The following DDAH1 variants were observed in gnomAD, a reference collection of about 807,000 sequenced individuals.
The protein encoded by DDAH1 is N(G),N(G)-dimethylarginine dimethylaminohydrolase 1.
In DDAH1, 19 loss-of-function variants were observed where a neutral mutation model predicts 28.8. That is an observed-to-expected ratio of 0.66 (90% CI 0.46 to 0.97). DDAH1 has a LOEUF of 0.97. Among genes scored for constraint, DDAH1 ranks in the 50% least tolerant of loss-of-function variants. DDAH1 has a pLI of 0.00. For missense variants in DDAH1, 326 were observed against 375.9 expected (o/e 0.87, Z 1.10); for synonymous variants, 153 against 154.4 (o/e 0.99, Z 0.07).
At chr1:85,335,573 GTTA>G (rs1648053691) in intron 4 of DDAH1, among the ~76,000 whole-genome samples, 1 of 152,066 alleles carries the variant, frequency 6.6e-6, no homozygotes, top group Non-Finnish European at 1.5e-5. Context: ...AACAAAGAAG[GTTA>G]TTATGTAATG....
At chr1:85,423,380 T>G (rs1345956970) in intron 1 of DDAH1, among the ~76,000 whole-genome samples, 3 of 152,196 alleles carry the variant, frequency 2.0e-5, no homozygotes, top group Non-Finnish European at 2.9e-5. Flanking sequence ...CTTAACAATT[T>G]GAGTCTTCCA....
At chr1:85,328,958 T>C (rs1040018048) in intron 4 of DDAH1, among the ~76,000 whole-genome samples, 2 of 152,246 alleles carry the variant, frequency 1.3e-5, no homozygotes, top group Non-Finnish European at 2.9e-5. Flanking sequence ...TTCATTGTAC[T>C]CTTTACCCAC....
chr1:85,403,318 CAG>C (rs1423903468), intron 1 of DDAH1, among the ~76,000 whole-genome samples: 1 of 150,814 alleles, frequency 6.6e-6, no homozygotes, highest in Non-Finnish European at 1.5e-5. Flanking sequence ...TAAAGTAAAA[CAG>C]AATAGTTATA....
Position 85,346,023 on chromosome 1 carries a change from T to C in DDAH1, c.597+4392A>G, listed in dbSNP as rs570511946. 2.0e-5 allele frequency among the ~76,000 whole-genome samples: 3 copies of C among 152,376 alleles called. No individual in the cohort carries two copies. In the East Asian group the frequency reaches 5.8e-4, roughly 29 times the overall value. On this transcript the variant is annotated intron_variant, in intron 4 of 5. Coordinates refer to ENST00000284031, the MANE Select transcript of DDAH1 (RefSeq NM_012137.4). ...TCAAATGGCAAGATGATGATCTCCA[T>C]AAGAATCCACTTCATTAACCAAGAG...
At position 85,478,120 on chromosome 1, in the gene DDAH1, T is replaced by C. The variant is rs76584536; in HGVS notation, c.-7+18046A>G. 1.5e-3 allele frequency among the ~76,000 whole-genome samples: 232 copies of C among 152,298 alleles called. 1 individual carries two copies. The highest frequency in any genetic ancestry group is 5.4e-3 in the African/African-American group (223 of 41,574). ...TGCCTTGGAAAGCAAATTTTTCTTCTGTGAGAATGCTGACAGATAAATCAT... is the reference window on the plus strand; with the variant it reads ...TGCCTTGGAAAGCAAATTTTTCTTCCGTGAGAATGCTGACAGATAAATCAT... On this transcript the variant is annotated intron_variant, in intron 2 of 6. Transcript: ENST00000426972.
intron 1 of DDAH1, among the ~76,000 whole-genome samples, chr1:85,463,490 C>A (rs1655214695): frequency 6.6e-6 from 1 of 152,160 alleles, no homozygotes; most frequent in Non-Finnish European, 1.5e-5. Flanking sequence ...ATCTCACAGA[C>A]TCAAAGATGG....
chr1:85,485,302 T>A (rs916437212), intron 2 of DDAH1, among the ~76,000 whole-genome samples: 11 of 152,040 alleles, frequency 7.2e-5, no homozygotes, highest in Non-Finnish European at 1.3e-4. Context: ...AAGAGTTAGC[T>A]TAGGTAGTTT....
intron 1 of DDAH1, among the ~76,000 whole-genome samples, chr1:85,567,343 G>A (rs1228797716): frequency 6.6e-6 from 1 of 152,226 alleles, no homozygotes; most frequent in Non-Finnish European, 1.5e-5. Context: ...GACCTGGTGA[G>A]AGATGATTGA....
chr1:85,406,699 G>A (rs1433882231), intron 1 of DDAH1, among the ~76,000 whole-genome samples: 1 of 152,070 alleles, frequency 6.6e-6, no homozygotes, highest in Non-Finnish European at 1.5e-5. Flanking sequence ...TATTTGTGGT[G>A]AGAACACGTA....
At chr1:85,344,484 C>T (rs2100829334) in intron 4 of DDAH1, among the ~76,000 whole-genome samples, 1 of 152,300 alleles carries the variant, frequency 6.6e-6, no homozygotes, top group South Asian at 2.1e-4. Flanking sequence ...GTGGGGTCAG[C>T]AGCTTCCTCC....
chr1:85,537,917 A>G (rs1247159489), intron 1 of DDAH1, among the ~76,000 whole-genome samples: 1 of 152,098 alleles, frequency 6.6e-6, no homozygotes, highest in Non-Finnish European at 1.5e-5. Context: ...CACTAAGCAG[A>G]TAAGTGTTCT....
In DDAH1 at chr1:85,434,422, G is replaced by T. The variant is rs553483418; in HGVS notation, c.303+30321C>A. Among the ~76,000 whole-genome samples, 342 of 147,226 alleles carry T rather than the reference G, an allele frequency of 2.3e-3. 8 individuals are homozygous for T. The highest frequency in any genetic ancestry group is 0.02 in the Admixed American group (299 of 14,762). The stretch of plus-strand genomic sequence containing the variant: ...AAGTATCATATTGTATGTGTGTTTT[G>T]TTTTTTTTTTGAGACAGGGTGTCTC... On this transcript the variant is annotated intron_variant, in intron 1 of 5. Transcript: ENST00000284031.
chr1:85,404,175 AAAGC>A (rs752727331), intron 1 of DDAH1, among the ~76,000 whole-genome samples: 1 of 152,084 alleles, frequency 6.6e-6, no homozygotes, highest in Non-Finnish European at 1.5e-5. Flanking sequence ...TTTCACAAAT[AAAGC>A]TAAACAGAAA....
intron 2 of DDAH1, among the ~76,000 whole-genome samples, chr1:85,355,659 G>C (rs1384187318): frequency 6.6e-6 from 1 of 152,102 alleles, no homozygotes; most frequent in Admixed American, 6.6e-5. Flanking sequence ...GTTTACTTTA[G>C]AGAAACTCTT....
intron 2 of DDAH1, among the ~76,000 whole-genome samples, chr1:85,490,443 T>C (rs1025939427): frequency 6.6e-6 from 1 of 152,192 alleles, no homozygotes; most frequent in Non-Finnish European, 1.5e-5. Context: ...TGATGAGTGG[T>C]CATTGAACCA....
intron 1 of DDAH1, among the ~76,000 whole-genome samples, chr1:85,407,631 T>A (rs1557593127): frequency 6.6e-6 from 1 of 152,212 alleles, no homozygotes; most frequent in Non-Finnish European, 1.5e-5. Flanking sequence ...CTAAAAATAA[T>A]GGTTTCCTAT....
intron 1 of DDAH1, among the ~76,000 whole-genome samples, chr1:85,405,526 C>T (rs141677434): frequency 3.5e-4 from 53 of 152,118 alleles, no homozygotes; most frequent in Non-Finnish European, 5.3e-4. Flanking sequence ...CTTAAAAAGT[C>T]GTGGTCTGGA....
intron 1 of DDAH1, among the ~76,000 whole-genome samples, chr1:85,412,640 A>G (rs1290291613): frequency 6.6e-6 from 1 of 152,170 alleles, no homozygotes; most frequent in Non-Finnish European, 1.5e-5. Flanking sequence ...TCCTTGGAAA[A>G]GCATCAAGGT....
chr1:85,544,157 C>G (rs1426473711), intron 1 of DDAH1, among the ~76,000 whole-genome samples: 2 of 152,030 alleles, frequency 1.3e-5, no homozygotes, highest in East Asian at 3.9e-4. Flanking sequence ...GCTAAACAAA[C>G]AAATTGGATG....
Sources: gnomAD v4.1 joint callset for allele counts (sites outside exome capture counted in the v4.1 genomes callset) on GRCh38, gnomAD v4.1.1 for gene constraint, MANE v1.5 for transcripts, NCBI Gene and HGNC (gene_info 2026-07-23, HGNC 2026-07-21) for gene names.